HHAT: variants seen among roughly 807,000 people sequenced by gnomAD.
HHAT encodes the protein protein-cysteine N-palmitoyltransferase HHAT.
HHAT carries 47 observed loss-of-function variants against 70.8 expected under a neutral mutation model. The ratio of observed to expected loss-of-function variants is 0.66; its 90% CI spans 0.53 to 0.85. The LOEUF (loss-of-function observed/expected upper bound fraction) is 0.85. Among genes scored for constraint, HHAT ranks in the 40% least tolerant of loss-of-function variants. The pLI is 0.00. For missense variants in HHAT, 609 were observed against 604.8 expected (o/e 1.01, Z -0.07); for synonymous variants, 228 against 247.6 (o/e 0.92, Z 0.74).
chr1:210,542,385 T>A (rs2095438907), intron 9 of HHAT, among the ~76,000 whole-genome samples: 1 of 152,198 alleles, frequency 6.6e-6, no homozygotes, highest in Admixed American at 6.5e-5. Context: ...TTCTTTACAA[T>A]TCAGCAAATG....
At chr1:210,555,759 A>G (rs1287096718) in intron 9 of HHAT, among the ~76,000 whole-genome samples, 1 of 152,302 alleles carries the variant, frequency 6.6e-6, no homozygotes, top group Non-Finnish European at 1.5e-5. Flanking sequence ...AATGGTGCCC[A>G]TCAAACCCTC....
Position 210,642,971 on chromosome 1 carries a change from AC to A in HHAT, c.1390+19302del, listed in dbSNP as rs573753906. ...GTTATCTTCTATTAGTAGAAGCTTT[AC>A]TTTTTTAATTTCCCTATTTACATCT... On this transcript the variant is annotated intron_variant, in intron 11 of 11. Transcript: ENST00000261458. 8.5e-4 allele frequency among the ~76,000 whole-genome samples: 130 copies of A among 152,292 alleles called. 1 individual carries two copies. The highest frequency in any genetic ancestry group is 2.9e-3 in the African/African-American group (119 of 41,552).
At chr1:210,533,075 G>A (rs925956908) in intron 9 of HHAT, among the ~76,000 whole-genome samples, 6 of 151,944 alleles carry the variant, frequency 3.9e-5, no homozygotes, top group African/African-American at 7.3e-5. Flanking sequence ...CTTGTTTTTC[G>A]GTGTGAAATC....
At chr1:210,620,893 C>CTTT (rs11393436) in intron 10 of HHAT, among the ~76,000 whole-genome samples, 1 of 147,032 alleles carries the variant, frequency 6.8e-6, no homozygotes. Context: ...ATGATTTTGA[C>CTTT]TTTTTTTTTT....
At position 210,371,821 on chromosome 1, in the gene HHAT, C is replaced by A. The variant is rs114992263; in HGVS notation, c.159+8902C>A. Among the ~76,000 whole-genome samples the A allele has an allele frequency of 9.1e-3, 1,382 of 152,250 alleles. 23 individuals are homozygous for A. Among genetic ancestry groups the A allele is most frequent in the African/African-American group, 0.029 (1,214 of 41,550 alleles). On this transcript the variant is annotated intron_variant, in intron 3 of 11. Coordinates refer to ENST00000261458, the MANE Select transcript of HHAT (RefSeq NM_018194.6). ...ATGTTCCTTTATAAGAAGTCCCCAA[C>A]CCCAGTGGGCATATTCACCTCAATT...
At chr1:210,397,672 A>G (rs2091866703) in intron 4 of HHAT, among the ~76,000 whole-genome samples, 1 of 152,168 alleles carries the variant, frequency 6.6e-6, no homozygotes, top group Non-Finnish European at 1.5e-5. Context: ...ATACATAAGC[A>G]CATTTGGAGT....
chr1:210,523,348 C>T (rs2095190666), intron 9 of HHAT, among the ~76,000 whole-genome samples: 1 of 152,152 alleles, frequency 6.6e-6, no homozygotes, highest in Admixed American at 6.5e-5. Flanking sequence ...AGTGCATATC[C>T]AAATCCCACC....
intron 9 of HHAT, among the ~76,000 whole-genome samples, chr1:210,559,358 C>T (rs1191342043): frequency 6.6e-6 from 1 of 152,152 alleles, no homozygotes; most frequent in East Asian, 1.9e-4. Flanking sequence ...AGTAGGTACT[C>T]AGTAAATATC....
chr1:210,532,673 A>G (rs1026680785), intron 9 of HHAT, among the ~76,000 whole-genome samples: 2 of 152,202 alleles, frequency 1.3e-5, no homozygotes, highest in Non-Finnish European at 2.9e-5. Context: ...CGTCGGCACC[A>G]TGTGCAGAGC....
At chr1:210,383,204 G>A (rs2090784100) in intron 3 of HHAT, among the ~76,000 whole-genome samples, 1 of 152,108 alleles carries the variant, frequency 6.6e-6, no homozygotes, top group Non-Finnish European at 1.5e-5. Context: ...GCCAGGTGTG[G>A]TGGTATGCAC....
chr1:210,489,990 C>T (rs7354945), intron 8 of HHAT, among the ~76,000 whole-genome samples: 1 of 152,058 alleles, frequency 6.6e-6, no homozygotes, highest in Admixed American at 6.6e-5. Context: ...CATAGAGCAG[C>T]TATTAACTGC....
intron 9 of HHAT, among the ~76,000 whole-genome samples, chr1:210,574,462 A>T (rs561439732): frequency 1.5e-3 from 229 of 152,392 alleles, no homozygotes; most frequent in Non-Finnish European, 2.8e-3. Context: ...AGGCCATAAC[A>T]CAATGGGAAT....
At chr1:210,630,896 G>A (rs1176049428) in intron 11 of HHAT, 1 of 376,604 alleles carries the variant, frequency 2.7e-6, no homozygotes, top group Non-Finnish European at 5.2e-6. Context: ...CCAGCTCAGA[G>A]GAAGGCAGAG....
chr1:210,376,677 G>A (rs2090247939), intron 3 of HHAT, among the ~76,000 whole-genome samples: 2 of 152,176 alleles, frequency 1.3e-5, no homozygotes, highest in African/African-American at 4.8e-5. Flanking sequence ...ACGGCTGGTG[G>A]GTTCAGGGGT....
rs575386704 is a variant in HHAT, at chr1:210,384,505, AC to A, written c.160-2960del. Among the ~76,000 whole-genome samples, 563 of 152,194 alleles carry A rather than the reference AC, an allele frequency of 3.7e-3. 6 individuals are homozygous for A. Among genetic ancestry groups the A allele is most frequent in the African/African-American group, 0.012 (516 of 41,514 alleles). ...TTAGAAATATAGAATCCCAGGCCCCACCCTTGATTGACTGCATCAGAATCTG... is the reference window on the plus strand; with the variant it reads ...TTAGAAATATAGAATCCCAGGCCCCACCTTGATTGACTGCATCAGAATCTG... On this transcript the variant is annotated intron_variant, in intron 3 of 11. Coordinates refer to ENST00000261458, the MANE Select transcript of HHAT (RefSeq NM_018194.6).
intron 9 of HHAT, among the ~76,000 whole-genome samples, chr1:210,582,341 C>A (rs912930314): frequency 4.1e-4 from 62 of 152,190 alleles, no homozygotes; most frequent in African/African-American, 1.5e-3. Flanking sequence ...CCAGCCCGGC[C>A]GAGGAATGGG....
At chr1:210,436,196 G>A (rs922608748) in intron 7 of HHAT, among the ~76,000 whole-genome samples, 1 of 151,806 alleles carries the variant, frequency 6.6e-6, no homozygotes, top group Non-Finnish European at 1.5e-5. Flanking sequence ...AGTTTTCCCA[G>A]CACCATTTAT....
chr1:210,518,377 G>T (rs959925084), intron 9 of HHAT, among the ~76,000 whole-genome samples: 1 of 152,100 alleles, frequency 6.6e-6, no homozygotes, highest in East Asian at 1.9e-4. Flanking sequence ...TTAACATGAC[G>T]TCCTCCAGAT....
intron 11 of HHAT, among the ~76,000 whole-genome samples, chr1:210,667,210 C>G (rs1384997609): frequency 6.6e-6 from 1 of 152,092 alleles, no homozygotes; most frequent in East Asian, 1.9e-4. Flanking sequence ...AGGAGAAACT[C>G]TGTCTCTACT....
Sources: allele counts gnomAD v4.1 joint callset (sites outside exome capture counted in the v4.1 genomes callset), GRCh38; gene constraint gnomAD v4.1.1; transcripts MANE v1.5; gene names NCBI Gene and HGNC (gene_info 2026-07-23, HGNC 2026-07-21).